Variants in ZNF335 observed in about 807,000 individuals in gnomAD.
The protein encoded by ZNF335 is NRC-interacting factor 1.
A neutral mutation model predicts 145.6 loss-of-function variants in ZNF335; 84 were observed. The observed-to-expected ratio is 0.58, with a 90% CI of 0.48 to 0.69. The LOEUF (loss-of-function observed/expected upper bound fraction) is 0.69. ZNF335 is among the 30% of genes least tolerant of loss of function. The pLI, the probability that ZNF335 is intolerant of heterozygous loss-of-function variation, is 0.00. For synonymous variants in ZNF335, 761 were observed against 717.0 expected, an observed-to-expected ratio of 1.06 and a Z score of -0.98; for missense variants, 1,865 against 1,809.7, an observed-to-expected ratio of 1.03 and a Z score of -0.55.
rs749895995 is a variant in ZNF335 at position 45,959,433 on chromosome 20, C to A, written c.2021G>T (p.Gly674Val). Residue 674 changes from glycine to valine, a missense_variant and splice_region_variant, in exon 15 of 28, where the codon GGG (glycine) becomes GTG (valine). Coordinates refer to ENST00000322927, the MANE Select transcript of ZNF335 (RefSeq NM_022095.4). ...GTACTCACAGGCGAAGGGCTTGGCCCCTGGAGGCACATGTTGGGGCATGCT... is the reference window on the plus strand; with the variant it reads ...GTACTCACAGGCGAAGGGCTTGGCCACTGGAGGCACATGTTGGGGCATGCT... ...LLSHVAVKHT[G>V]AKPFACEYCH... 8 of 1,440,882 alleles carry A rather than the reference C, an allele frequency of 5.6e-6. No homozygotes were observed. The highest frequency in any genetic ancestry group is 6.5e-6 in the Non-Finnish European group (7 of 1,081,486). 89.3% of individuals were successfully genotyped at this position (1,440,882 alleles called of 1,614,324 possible).
rs529465790 is a variant in ZNF335, at chr20:45,972,111, C to T, written c.-51+11G>A. ...GTACGGTGGGGCCGCCTAACTCTAC[C>T]CGAAGCTCACCCGAGGCTTTCGTAG... On this transcript the variant is annotated intron_variant, in intron 1 of 27. Transcript: ENST00000322927. The T allele has an allele frequency of 2.2e-4, 279 of 1,289,354 alleles. 1 individual carries two copies. The highest frequency in any genetic ancestry group is 1.0e-3 in the South Asian group (83 of 80,914). The allele number at this position is 1,289,354 out of a possible 1,614,324, so 79.9% of individuals were successfully genotyped here. A position where few individuals can be genotyped will look rare whatever the true frequency, so the allele number is the denominator to read the frequency against.
At chr20:45,950,897 A>AT (rs879918101) in intron 20 of ZNF335, among the ~76,000 whole-genome samples, 440 of 147,524 alleles carry the variant, frequency 3.0e-3, no homozygotes, top group Middle Eastern at 0.028. Context: ...CGGGCCCTGA[A>AT]TTTTTTTTTT....
chr20:45,968,250 G>A lies in ZNF335; in HGVS notation c.520+35C>T, dbSNP rs756394909. On this transcript the variant is annotated intron_variant, in intron 4 of 27. Coordinates refer to ENST00000322927, the MANE Select transcript of ZNF335 (RefSeq NM_022095.4). Reference sequence around the variant, plus strand: ...GTCCTCACCTATCCCCCTGCCCACTGCAGGCCTCCCCGATTCTGGCACCTG... The same window carrying A: ...GTCCTCACCTATCCCCCTGCCCACTACAGGCCTCCCCGATTCTGGCACCTG... 3.7e-6 allele frequency: 6 copies of A among 1,603,766 alleles called. No homozygotes were observed. The African/African-American group carries it at 8.0e-5, about 21-fold the overall frequency.
Position 45,971,257 on chromosome 20 carries a change from C to G in ZNF335, c.154G>C (p.Asp52His), listed in dbSNP as rs1416569730. The G allele has an allele frequency of 1.3e-6, 2 of 1,560,788 alleles. No homozygotes were observed. Among genetic ancestry groups the G allele is most frequent in the Non-Finnish European group, 8.6e-7 (1 of 1,158,036 alleles). ...GAGCTTTGCCCCACGCCAGAGTCAT[C>G]GGCCTCTGCCTGCCCCGGGGCGGCC... ...AAAAPGQAEA[D>H]DSGVGQSSDR... The change falls in exon 2 of 28, where the codon GAT becomes CAT. Residue 52 changes from aspartate (D) to histidine (H), a missense_variant. Coordinates refer to ENST00000322927, the MANE Select transcript of ZNF335 (RefSeq NM_022095.4).
At chr20:45,950,395 T>G (rs1236359492) in intron 21 of ZNF335, 22 bp from the exon 22 acceptor site, 3 of 1,608,304 alleles carry the variant, frequency 1.9e-6, no homozygotes, top group South Asian at 2.2e-5. Flanking sequence ...GAAAGGTGGC[T>G]CAGGTTAGCT....
In ZNF335 at chr20:45,949,978, T is replaced by G; in HGVS notation, c.3579A>C (p.Thr1193=). 6.2e-7 allele frequency: 1 copy of G among 1,614,146 alleles called. No homozygotes were observed. Among genetic ancestry groups the G allele is most frequent in the Non-Finnish European group, 8.5e-7 (1 of 1,179,996 alleles). Residue 1193 remains threonine, a synonymous_variant, in exon 23 of 28, where the codon ACA becomes ACC. Coordinates refer to ENST00000322927, the MANE Select transcript of ZNF335 (RefSeq NM_022095.4). The stretch of plus-strand genomic sequence containing the variant: ...TCCTGACTCTTACCTGATTGGTCAC[T>G]GTCTGTTCCTGGGCAACGATGATGT... ...QEHIIVAQEQ[T]VTNQEEAAYI...
intron 7 of ZNF335, among the ~76,000 whole-genome samples, 195 bp downstream of exon 7, chr20:45,965,429 TGAGA>T (rs1263115104): frequency 6.6e-6 from 1 of 152,140 alleles, no homozygotes; most frequent in Non-Finnish European, 1.5e-5. Context: ...TCCATAAAGC[TGAGA>T]GAGTTTCCTG....
intron 12 of ZNF335, 36 bp downstream of exon 12, chr20:45,960,580 G>T (rs774746672): frequency 1.4e-5 from 23 of 1,613,698 alleles, no homozygotes; most frequent in Non-Finnish European, 1.9e-5. Context: ...CCCAGGGGAG[G>T]CCCTCCTCTC....
intron 14 of ZNF335, 144 bp downstream of exon 14, chr20:45,960,064 A>G: frequency 2.0e-6 from 2 of 991,226 alleles, no homozygotes; most frequent in South Asian, 3.4e-5. Context: ...CGCCTATGGG[A>G]AATTCTCTTT....
At chr20:45,970,620 G>A (rs550864453) in intron 2 of ZNF335, among the ~76,000 whole-genome samples, 32 of 152,304 alleles carry the variant, frequency 2.1e-4, no homozygotes, top group Admixed American at 2.1e-3. Context: ...TTTGCAAGAG[G>A]ATGTCTGGTG....
At chr20:45,966,537 GTTTCTTTTTC>G (rs2083956450) in intron 6 of ZNF335, among the ~76,000 whole-genome samples, 1 of 138,752 alleles carries the variant, frequency 7.2e-6, no homozygotes, top group South Asian at 2.2e-4. Context: ...GCAAGACTCT[GTTTCTTTTTC>G]TTTCTTTTTT....
chr20:45,953,098 A>G (rs1216980029), intron 18 of ZNF335, among the ~76,000 whole-genome samples: 1 of 152,230 alleles, frequency 6.6e-6, no homozygotes, highest in African/African-American at 2.4e-5. Flanking sequence ...CTGGCCGCCC[A>G]GGTGCTGGCC....
rs1429697068 is a variant in ZNF335 at position 45,952,514 on chromosome 20, G to A, written c.2822C>T (p.Ala941Val). 2 of 1,582,622 alleles carry A rather than the reference G, an allele frequency of 1.3e-6. No homozygotes were observed. The highest frequency in any genetic ancestry group is 2.3e-5 in the South Asian group (2 of 86,222). The stretch of plus-strand genomic sequence containing the variant: ...ACTTGGGAAGGAGATGGAGCCATCT[G>A]CGGTGAGCTGTAGAGAGACAGGGAG... ...GTQLHHIELT[A>V]DGSISFPSPD... The change falls in exon 20 of 28, where the codon GCA becomes GTA. Residue 941 changes from alanine (A) to valine (V), a missense_variant. By Grantham distance (64) the Ala-to-Val change is moderately conservative. Transcript: ENST00000322927.
At chr20:45,956,274 G>A (rs1349144867) in intron 17 of ZNF335, among the ~76,000 whole-genome samples, 3 of 151,532 alleles carry the variant, frequency 2.0e-5, no homozygotes, top group African/African-American at 7.3e-5. Context: ...CGTTGGCCAG[G>A]CTGGAGTGCA....
At chr20:45,962,388 C>T (rs539457157) in intron 9 of ZNF335, among the ~76,000 whole-genome samples, 5 of 152,372 alleles carry the variant, frequency 3.3e-5, no homozygotes, top group Admixed American at 3.3e-4. Flanking sequence ...CTGTGCCAGG[C>T]TCTGTGCTGG....
intron 9 of ZNF335, 149 bp downstream of exon 9, chr20:45,963,324 C>A (rs1236353739): frequency 5.3e-6 from 5 of 946,286 alleles, no homozygotes; most frequent in Non-Finnish European, 7.7e-6. Context: ...TTCTTCGGTA[C>A]GCCAGTGAGC....
intron 14 of ZNF335, 75 bp downstream of exon 14, chr20:45,960,133 T>C (rs2083809497): frequency 6.5e-7 from 1 of 1,539,242 alleles, no homozygotes; most frequent in African/African-American, 1.4e-5. Context: ...AGGAAGAGGA[T>C]GGGAGCTAAG....
At position 45,967,818 on chromosome 20, in the gene ZNF335, G is replaced by A; in HGVS notation, c.730C>T (p.Gln244Ter). ...TACTGGCACATCTTGCATTTGAACT[G>A]CTGCACCACCACCACCTCCATCATG... ...EAMMEVVVVQ[Q>*]FKCKMCQYRS... is the part of the protein sequence containing the mutation. Residue 244 changes from glutamine (Q) to a stop codon, truncating the protein, a stop_gained, in exon 5 of 28, where the codon CAG (glutamine) becomes TAG (stop). Transcript: ENST00000322927. LOFTEE classifies it high-confidence loss of function. 6.2e-7 allele frequency: 1 copy of A among 1,613,482 alleles called. No individual in the cohort carries two copies. The highest frequency in any genetic ancestry group is 8.5e-7 in the Non-Finnish European group (1 of 1,180,030).
rs563117651 is a variant in ZNF335, at chr20:45,950,594, G to C, written c.3191C>G (p.Ala1064Gly). The C allele has an allele frequency of 1.9e-6, 3 of 1,613,880 alleles. No homozygotes were observed. In the South Asian group the frequency reaches 3.3e-5, roughly 18 times the overall value. Residue 1064 changes from alanine (A) to glycine (G), a missense_variant and splice_region_variant, in exon 21 of 28, where the codon GCG (alanine) becomes GGG (glycine). By Grantham distance (60) the Ala-to-Gly change is moderately conservative. Transcript: ENST00000322927. ...TAGGCTTGAGTGCTGTGCCATGTGCGCCTGCAGAGAGGGCAGAGTTGGGGG... is the reference window on the plus strand; with the variant it reads ...TAGGCTTGAGTGCTGTGCCATGTGCCCCTGCAGAGAGGGCAGAGTTGGGGG... Reference protein sequence around the residue: ...FSARQWPEVRAHMAQHSSLRP... With the variant: ...FSARQWPEVRGHMAQHSSLRP...
Sources: gnomAD v4.1 joint callset for allele counts (sites outside exome capture counted in the v4.1 genomes callset) on GRCh38, gnomAD v4.1.1 for gene constraint, MANE v1.5 for transcripts, NCBI Gene and HGNC (gene_info 2026-07-23, HGNC 2026-07-21) for gene names.